Variants in MACROD2 observed in about 807,000 individuals in gnomAD.
MACROD2 encodes the protein mono-ADP ribosylhydrolase 2, also known as ADP-ribose glycohydrolase MACROD2.
A neutral mutation model predicts 70.4 loss-of-function variants in MACROD2; 36 were observed. The observed-to-expected ratio is 0.51, with a 90% CI of 0.39 to 0.68. The LOEUF (loss-of-function observed/expected upper bound fraction) is 0.68, where lower values mean the gene tolerates loss of function less well. Among genes scored for constraint, MACROD2 ranks in the 30% least tolerant of loss-of-function variants. The probability of loss-of-function intolerance (pLI) is 0.00; values close to 1 mark genes in which losing one functional copy is unlikely to be tolerated. For missense variants in MACROD2, 496 were observed against 538.4 expected, an observed-to-expected ratio of 0.92 and a Z score of 0.78; for synonymous variants, 172 against 178.8, an observed-to-expected ratio of 0.96 and a Z score of 0.30.
Position 15,431,446 on chromosome 20 carries a change from C to T in MACROD2, c.571+11C>T. 1 of 1,608,062 alleles carries T rather than the reference C, an allele frequency of 6.2e-7. No homozygotes were observed. Reference sequence around the variant, plus strand: ...CAACAGGCATTTATGGTAAGTGATACAGCTTTTGATGATGTTTGTATTTCT... The same window carrying T: ...CAACAGGCATTTATGGTAAGTGATATAGCTTTTGATGATGTTTGTATTTCT... On this transcript the variant is annotated intron_variant, in intron 7 of 17. Transcript: ENST00000684519.
At chr20:15,969,084 T>C (rs2066189828) in intron 13 of MACROD2, among the ~76,000 whole-genome samples, 1 of 152,008 alleles carries the variant, frequency 6.6e-6, no homozygotes, top group South Asian at 2.1e-4. Context: ...ACCCCAAAGA[T>C]ACGTAACCTA....
At chr20:14,121,117 T>C (rs1245161981) in intron 3 of MACROD2, among the ~76,000 whole-genome samples, 1 of 152,134 alleles carries the variant, frequency 6.6e-6, no homozygotes, top group Non-Finnish European at 1.5e-5. Flanking sequence ...AAGTTAAGCA[T>C]TGAGACAAAA....
Position 15,834,639 on chromosome 20 carries a change from T to C in MACROD2, c.646-28106T>C, listed in dbSNP as rs149926113. On this transcript the variant is annotated intron_variant, in intron 8 of 17. Coordinates refer to ENST00000684519, the MANE Select transcript of MACROD2 (RefSeq NM_001351661.2). ...ACTCCTCTACTTAACGAGGATTTCTTCAATGGTTATTATTCTATCTAACCA... is the reference window on the plus strand; with the variant it reads ...ACTCCTCTACTTAACGAGGATTTCTCCAATGGTTATTATTCTATCTAACCA... 1.6e-3 allele frequency among the ~76,000 whole-genome samples: 248 copies of C among 152,312 alleles called. 2 individuals are homozygous for C. Among genetic ancestry groups the C allele is most frequent in the African/African-American group, 5.8e-3 (241 of 41,566 alleles).
In MACROD2 at chr20:15,994,249, G is replaced by A. The variant is rs140689380; in HGVS notation, c.1153+7091G>A. ...CTGCTATTCTACATTTTATATAGTT[G>A]TACACACACTGTAGATGAAGTTGTA... On this transcript the variant is annotated intron_variant, in intron 15 of 17. Coordinates refer to ENST00000684519, the MANE Select transcript of MACROD2 (RefSeq NM_001351661.2). Among the ~76,000 whole-genome samples the A allele has an allele frequency of 3.2e-3, 486 of 152,130 alleles. 4 individuals are homozygous for A. The highest frequency in any genetic ancestry group is 0.011 in the African/African-American group (464 of 41,504).
intron 8 of MACROD2, among the ~76,000 whole-genome samples, chr20:15,544,761 T>C (rs2048004613): frequency 2.0e-5 from 3 of 152,234 alleles, no homozygotes; most frequent in Admixed American, 1.3e-4. Context: ...TATTATTAGG[T>C]AAATAACAGC....
At chr20:14,034,120 C>T (rs1233234155) in intron 2 of MACROD2, among the ~76,000 whole-genome samples, 7 of 151,948 alleles carry the variant, frequency 4.6e-5, no homozygotes, top group East Asian at 3.9e-4. Context: ...TACAGGCGCC[C>T]GCCACCACAC....
chr20:14,084,194 T>G (rs1296697320), intron 2 of MACROD2, among the ~76,000 whole-genome samples: 1 of 152,004 alleles, frequency 6.6e-6, no homozygotes, highest in African/African-American at 2.4e-5. Context: ...CCAAATTTTT[T>G]TTTTTGGGGA....
chr20:15,673,560 A>T (rs2050012093), intron 8 of MACROD2, among the ~76,000 whole-genome samples: 1 of 152,170 alleles, frequency 6.6e-6, no homozygotes, highest in Non-Finnish European at 1.5e-5. Context: ...TTTATGATGT[A>T]TCCTGCTTAG....
intron 5 of MACROD2, among the ~76,000 whole-genome samples, chr20:15,110,055 C>G (rs2075942765): frequency 1.3e-5 from 2 of 152,058 alleles, no homozygotes; most frequent in South Asian, 4.1e-4. Context: ...TGCTAGAGAA[C>G]TCAAAGTATG....
At chr20:15,713,430 A>T (rs1489133134) in intron 8 of MACROD2, among the ~76,000 whole-genome samples, 2 of 152,208 alleles carry the variant, frequency 1.3e-5, no homozygotes, top group Non-Finnish European at 2.9e-5. Flanking sequence ...TAATTTGCTC[A>T]TGGTTCTGAA....
intron 4 of MACROD2, among the ~76,000 whole-genome samples, chr20:14,564,058 G>A (rs1979616375): frequency 6.6e-6 from 1 of 151,914 alleles, no homozygotes; most frequent in African/African-American, 2.4e-5. Flanking sequence ...ACAAGTACCT[G>A]ATATTTGATA....
At chr20:15,663,232 A>ATTTTTTTT (rs34234600) in intron 8 of MACROD2, among the ~76,000 whole-genome samples, 1 of 129,834 alleles carries the variant, frequency 7.7e-6, no homozygotes, top group Non-Finnish European at 1.6e-5. Context: ...TCAGAATTTG[A>ATTTTTTTT]TTTTTTTTTT....
At chr20:15,847,552 G>A (rs75349533) in intron 8 of MACROD2, among the ~76,000 whole-genome samples, 5,427 of 152,210 alleles carry the variant, frequency 0.036, 176 homozygotes, top group Non-Finnish European at 0.044. Flanking sequence ...CCGAGAAACA[G>A]CCACTGCAGC....
intron 3 of MACROD2, among the ~76,000 whole-genome samples, chr20:14,168,444 G>T (rs1369818242): frequency 1.3e-5 from 2 of 152,090 alleles, no homozygotes; most frequent in Non-Finnish European, 2.9e-5. Context: ...AAGAAAAATG[G>T]AGCAGAAAAC....
At chr20:15,553,870 C>G (rs1209153762) in intron 8 of MACROD2, among the ~76,000 whole-genome samples, 1 of 152,168 alleles carries the variant, frequency 6.6e-6, no homozygotes, top group African/African-American at 2.4e-5. Context: ...GACTTGTAGG[C>G]CGTTGAATAC....
At position 14,627,106 on chromosome 20, in the gene MACROD2, AGT is replaced by A. The variant is rs1288312708; in HGVS notation, c.302-57735_302-57734del. On this transcript the variant is annotated intron_variant, in intron 4 of 17. Coordinates refer to ENST00000684519, the MANE Select transcript of MACROD2 (RefSeq NM_001351661.2). ...AATCCTCGAGGACCTGCTCCCAGAG[AGT>A]GAGAATTTACTAACTTACTATATGA... The A allele has an allele frequency of 1.1e-4, 16 of 152,308 alleles. No individual in the cohort carries two copies. The East Asian group carries it at 3.1e-3, about 29-fold the overall frequency. The allele number at this position is 152,308 out of a possible 1,614,324, so 9.4% of individuals were successfully genotyped here.
chr20:15,717,901 A>G (rs1276998893), intron 8 of MACROD2, among the ~76,000 whole-genome samples: 2 of 152,194 alleles, frequency 1.3e-5, no homozygotes, highest in African/African-American at 4.8e-5. Flanking sequence ...AAATGGGATC[A>G]GCAAGAGTGG....
At chr20:14,859,174 C>A (rs1159439187) in intron 5 of MACROD2, among the ~76,000 whole-genome samples, 1 of 151,874 alleles carries the variant, frequency 6.6e-6, no homozygotes, top group African/African-American at 2.4e-5. Context: ...TCAGAAATTA[C>A]CACTAAAGAA....
chr20:15,968,971 G>A (rs1052098975), intron 13 of MACROD2, among the ~76,000 whole-genome samples: 2 of 151,754 alleles, frequency 1.3e-5, no homozygotes, highest in African/African-American at 4.8e-5. Context: ...AGAATTTGAA[G>A]CTCTTTTTAC....
Sources: gnomAD v4.1 joint callset for allele counts (sites outside exome capture counted in the v4.1 genomes callset) on GRCh38, gnomAD v4.1.1 for gene constraint, MANE v1.5 for transcripts, NCBI Gene and HGNC (gene_info 2026-07-23, HGNC 2026-07-21) for gene names.